Variants in OSBPL10 observed in about 807,000 individuals in gnomAD.
OSBPL10 encodes oxysterol-binding protein-related protein 10.
In OSBPL10, 49 loss-of-function variants were observed where a neutral mutation model predicts 81.7. The ratio of observed to expected loss-of-function variants is 0.60; its 90% CI spans 0.48 to 0.76. The LOEUF is 0.76. Among genes scored for constraint, OSBPL10 ranks in the 30% least tolerant of loss-of-function variants. The probability of loss-of-function intolerance (pLI) is 0.00; values close to 1 mark genes in which losing one functional copy is unlikely to be tolerated. For synonymous variants in OSBPL10, 419 were observed against 383.6 expected (o/e 1.09, Z -1.08); for missense variants, 923 against 987.8 (o/e 0.93, Z 0.88).
At chr3:31,871,473 G>A (rs903221576) in intron 3 of OSBPL10, among the ~76,000 whole-genome samples, 3 of 152,174 alleles carry the variant, frequency 2.0e-5, no homozygotes, top group African/African-American at 4.8e-5. Context: ...AAGGGTCCAC[G>A]GCTTCATTCT....
chr3:31,762,735 C>T (rs1430413128), intron 4 of OSBPL10, among the ~76,000 whole-genome samples: 1 of 149,476 alleles, frequency 6.7e-6, no homozygotes, highest in Non-Finnish European at 1.5e-5. Flanking sequence ...TCCCAAAGTA[C>T]TGGTATTACA....
At chr3:31,746,969 C>T (rs1697545830) in intron 5 of OSBPL10, among the ~76,000 whole-genome samples, 1 of 151,958 alleles carries the variant, frequency 6.6e-6, no homozygotes, top group East Asian at 1.9e-4. Flanking sequence ...AAACTTAAAG[C>T]ATAATAATAA....
At chr3:31,786,456 G>T (rs1405412506) in intron 4 of OSBPL10, among the ~76,000 whole-genome samples, 1 of 152,160 alleles carries the variant, frequency 6.6e-6, no homozygotes, top group Non-Finnish European at 1.5e-5. Context: ...CAGTCTGGAG[G>T]CTGGGAAGTC....
At chr3:31,737,454 AC>A (rs1697214470) in intron 5 of OSBPL10, among the ~76,000 whole-genome samples, 1 of 152,158 alleles carries the variant, frequency 6.6e-6, no homozygotes, top group Non-Finnish European at 1.5e-5. Context: ...AGGACAAAGC[AC>A]CCTCTATGAA....
intron 6 of OSBPL10, among the ~76,000 whole-genome samples, chr3:31,705,332 CCACCCA>C (rs1559425018): frequency 6.6e-6 from 1 of 151,864 alleles, no homozygotes; most frequent in African/African-American, 2.4e-5. Context: ...CACTTTCAAT[CCACCCA>C]CACTGCAGCT....
upstream of OSBPL10, among the ~76,000 whole-genome samples, chr3:31,984,472 G>A: frequency 6.6e-6 from 1 of 152,074 alleles, no homozygotes; most frequent in Non-Finnish European, 1.5e-5. Flanking sequence ...CAGTTCCTGA[G>A]TAAGGGCCAC....
chr3:31,678,213 G>C (rs1700536883), intron 8 of OSBPL10, among the ~76,000 whole-genome samples: 1 of 152,212 alleles, frequency 6.6e-6, no homozygotes, highest in Admixed American at 6.5e-5. Flanking sequence ...CATGTGCTGT[G>C]CTGGGCTGAG....
At chr3:31,959,951 T>C (rs1016305881) in intron 1 of OSBPL10, among the ~76,000 whole-genome samples, 2 of 152,178 alleles carry the variant, frequency 1.3e-5, no homozygotes, top group Admixed American at 6.5e-5. Context: ...TATTCCTGGA[T>C]TGTGACGTGG....
intron 1 of OSBPL10, among the ~76,000 whole-genome samples, chr3:31,952,436 C>T (rs191560636): frequency 6.6e-6 from 1 of 152,190 alleles, no homozygotes; most frequent in Non-Finnish European, 1.5e-5. Context: ...TCCCTCGTCA[C>T]GCTCCGTGAG....
chr3:32,073,371 C>T lies in OSBPL10; in HGVS notation n.185+4025G>A, dbSNP rs892784387. Among the ~76,000 whole-genome samples, 9 of 152,138 alleles carry T rather than the reference C, an allele frequency of 5.9e-5. 1 individual carries two copies. Among genetic ancestry groups the T allele is most frequent in the South Asian group, 4.2e-4 (2 of 4,816 alleles). ...TCTGACCCCTCAAACTCTACAACCT[C>T]GATGGACAGGACCCCACTTAGTCAT... On this transcript the variant is annotated intron_variant and non_coding_transcript_variant, in intron 1 of 3. Transcript: ENST00000479173.
intron 10 of OSBPL10, 90 bp downstream of exon 10, chr3:31,668,552 C>T: frequency 7.9e-7 from 1 of 1,260,274 alleles, no homozygotes; most frequent in Non-Finnish European, 1.1e-6. Flanking sequence ...TTTCCAGTCG[C>T]TAAGTTTCAA....
chr3:31,719,801 A>C (rs1696576909), intron 6 of OSBPL10, among the ~76,000 whole-genome samples: 1 of 152,052 alleles, frequency 6.6e-6, no homozygotes, highest in African/African-American at 2.4e-5. Flanking sequence ...AAAACTGGAC[A>C]ACCTAAATGC....
intron 2 of OSBPL10, among the ~76,000 whole-genome samples, chr3:32,043,952 A>G (rs1386668039): frequency 6.6e-6 from 1 of 151,888 alleles, no homozygotes; most frequent in Non-Finnish European, 1.5e-5. Flanking sequence ...AAAACTACCT[A>G]TTGGGTACTA....
At chr3:31,914,569 G>A (rs1293362533) in intron 1 of OSBPL10, among the ~76,000 whole-genome samples, 2 of 152,022 alleles carry the variant, frequency 1.3e-5, no homozygotes, top group Non-Finnish European at 1.5e-5. Flanking sequence ...TATCCAAGAT[G>A]GGACTCTGAT....
intron 2 of OSBPL10, chr3:31,990,499 G>A (rs1403025080): frequency 6.6e-7 from 1 of 1,518,366 alleles, no homozygotes; most frequent in Non-Finnish European, 8.8e-7. Flanking sequence ...AATTCATAAG[G>A]CAATTCATAC....
intron 3 of OSBPL10, among the ~76,000 whole-genome samples, chr3:31,852,692 C>T (rs140313811): frequency 0.013 from 1,958 of 152,216 alleles, 51 homozygotes; most frequent in African/African-American, 0.045. Flanking sequence ...AATCCTCCTG[C>T]CTCAGCCTCC....
At chr3:31,839,424 C>A (rs1700438956) in intron 3 of OSBPL10, among the ~76,000 whole-genome samples, 1 of 152,142 alleles carries the variant, frequency 6.6e-6, no homozygotes, top group South Asian at 2.1e-4. Context: ...CCTGTCCTCA[C>A]AGAAATGGCA....
intron 5 of OSBPL10, among the ~76,000 whole-genome samples, chr3:31,743,878 C>G (rs1697435851): frequency 6.6e-6 from 1 of 152,322 alleles, no homozygotes; most frequent in African/African-American, 2.4e-5. Context: ...CAATGTGTGT[C>G]AGGCAGCTGC....
chr3:31,972,991 T>C (rs981975084), intron 1 of OSBPL10, among the ~76,000 whole-genome samples: 1 of 152,226 alleles, frequency 6.6e-6, no homozygotes, highest in Non-Finnish European at 1.5e-5. Context: ...TAAAGCATTT[T>C]CTGGGCTGTG....
Sources: allele counts gnomAD v4.1 joint callset (sites outside exome capture counted in the v4.1 genomes callset), GRCh38; gene constraint gnomAD v4.1.1; transcripts MANE v1.5; gene names NCBI Gene and HGNC (gene_info 2026-07-23, HGNC 2026-07-21).